Variants in EIF4E3 observed in about 807,000 individuals in gnomAD.
The protein encoded by EIF4E3 is eukaryotic translation initiation factor 4E type 3.
A neutral mutation model predicts 31.7 loss-of-function variants in EIF4E3; 26 were observed. The ratio of observed to expected loss-of-function variants is 0.82; its 90% CI spans 0.60 to 1.14. The LOEUF (loss-of-function observed/expected upper bound fraction) is 1.14. Among genes scored for constraint, EIF4E3 ranks in the 50% most tolerant of loss-of-function variants. The pLI, the probability that EIF4E3 is intolerant of heterozygous loss-of-function variation, is 0.00. For missense variants in EIF4E3, 304 were observed against 270.9 expected, an observed-to-expected ratio of 1.12 and a Z score of -0.86; for synonymous variants, 128 against 107.7, an observed-to-expected ratio of 1.19 and a Z score of -1.17.
chr3:71,754,762 C>G, upstream of EIF4E3: 1 of 1,331,594 alleles, frequency 7.5e-7, no homozygotes, highest in Non-Finnish European at 9.7e-7. The surrounding 1 kb of genome is among the most constrained non-coding windows in gnomAD (Gnocchi z 5.8). Flanking sequence ...ACCGGCCAGG[C>G]GGCCGCCAAC....
intron 5 of EIF4E3, among the ~76,000 whole-genome samples, chr3:71,690,423 T>A (rs77974799): frequency 6.6e-6 from 1 of 152,246 alleles, no homozygotes; most frequent in Non-Finnish European, 1.5e-5. Context: ...ATTTTCCAGA[T>A]AAGTAATTTA....
At chr3:71,754,595 C>T (rs1435996851), upstream of EIF4E3, 2 of 1,424,892 alleles carry the variant, frequency 1.4e-6, no homozygotes, top group South Asian at 1.3e-5. The surrounding 1 kb of genome is among the most constrained non-coding windows in gnomAD (Gnocchi z 5.8). Flanking sequence ...GCGCCCCCGG[C>T]GCGCTGGGCT....
chr3:71,740,417 T>C (rs1353639387), intron 1 of EIF4E3, among the ~76,000 whole-genome samples: 2 of 152,216 alleles, frequency 1.3e-5, no homozygotes, highest in African/African-American at 4.8e-5. Flanking sequence ...TCTTTCTGCA[T>C]GTAGTAGACT....
At chr3:71,743,130 T>TA (rs980800227) in intron 1 of EIF4E3, among the ~76,000 whole-genome samples, 2 of 152,074 alleles carry the variant, frequency 1.3e-5, no homozygotes, top group African/African-American at 4.8e-5. Flanking sequence ...AACATTGTAT[T>TA]AAAGGTTCTA....
intron 3 of EIF4E3, 64 bp downstream of exon 3, chr3:71,699,550 C>G (rs377460352): frequency 1.4e-6 from 2 of 1,403,524 alleles, no homozygotes; most frequent in African/African-American, 1.4e-5. Context: ...GTGATATGAT[C>G]TTTTATGAGG....
chr3:71,734,238 C>T (rs2049738377), intron 1 of EIF4E3, among the ~76,000 whole-genome samples: 1 of 152,188 alleles, frequency 6.6e-6, no homozygotes, highest in South Asian at 2.1e-4. Context: ...AAAAGAGGAG[C>T]TCTCATGGAG....
upstream of EIF4E3, chr3:71,754,655 C>A: frequency 6.7e-7 from 1 of 1,502,130 alleles, no homozygotes; most frequent in East Asian, 2.9e-5. The surrounding 1 kb of genome is among the most constrained non-coding windows in gnomAD (Gnocchi z 5.8). Flanking sequence ...TCGTCTACCT[C>A]CGCCTGCTCT....
intron 1 of EIF4E3, among the ~76,000 whole-genome samples, chr3:71,736,189 G>A (rs752212818): frequency 1.3e-5 from 2 of 152,150 alleles, no homozygotes; most frequent in African/African-American, 2.4e-5. Flanking sequence ...AGGAACTCTC[G>A]CTCAATGCTA....
chr3:71,704,781 G>A (rs890897410), intron 2 of EIF4E3, among the ~76,000 whole-genome samples: 26 of 152,284 alleles, frequency 1.7e-4, no homozygotes, highest in African/African-American at 5.5e-4. Flanking sequence ...TAAATTAGAA[G>A]AGACCCAGTT....
downstream of EIF4E3, among the ~76,000 whole-genome samples, chr3:71,673,932 A>ATATAT (rs1559581282): frequency 3.0e-3 from 378 of 127,368 alleles, 2 homozygotes; most frequent in African/African-American, 0.01. Flanking sequence ...TATATATATA[A>ATATAT]AAAACATAAT....
downstream of EIF4E3, among the ~76,000 whole-genome samples, chr3:71,671,648 A>C (rs1257521058): frequency 6.6e-6 from 1 of 151,820 alleles, no homozygotes; most frequent in Non-Finnish European, 1.5e-5. Flanking sequence ...CTCATTCCCT[A>C]CTCTCCGGGC....
intron 1 of EIF4E3, among the ~76,000 whole-genome samples, chr3:71,730,916 G>C (rs1420999155): frequency 1.3e-5 from 2 of 152,030 alleles, no homozygotes; most frequent in Non-Finnish European, 2.9e-5. Context: ...TAGAGACAGG[G>C]TTTCACCATG....
intron 4 of EIF4E3, among the ~76,000 whole-genome samples, chr3:71,694,528 G>A (rs990130898): frequency 2.0e-5 from 3 of 151,608 alleles, no homozygotes; most frequent in Admixed American, 6.7e-5. Context: ...TTCAGTGCAC[G>A]CTCCGGTCTG....
chr3:71,684,446 A>G lies in EIF4E3; in HGVS notation c.*236T>C, dbSNP rs2048962775. ...GAACAGAGAATTTAGAAAGCCAAAA[A>G]AAAAGTTTTTTGTGTGTGTTTTTTT... is the stretch of plus-strand genomic sequence containing the variant. On this transcript the variant is annotated 3_prime_UTR_variant, in exon 7 of 7. Transcript: ENST00000425534. The G allele has an allele frequency of 2.6e-6, 1 of 382,274 alleles. No homozygotes were observed. The highest frequency in any genetic ancestry group is 4.7e-6 in the Non-Finnish European group (1 of 214,796). The allele number at this position is 382,274 out of a possible 1,614,324, so 23.7% of individuals were successfully genotyped here.
chr3:71,693,725 A>G, intron 5 of EIF4E3, 150 bp downstream of exon 5: 1 of 700,442 alleles, frequency 1.4e-6, no homozygotes, highest in East Asian at 2.9e-5. Context: ...CGAAAATCAC[A>G]TGAAAAAAAA....
the EIF4E3 span, among the ~76,000 whole-genome samples, chr3:71,667,822 T>C: frequency 1.3e-5 from 2 of 152,110 alleles, no homozygotes; most frequent in Non-Finnish European, 1.5e-5. Context: ...AAAATGGCCA[T>C]ACTGCCCAAA....
chr3:71,747,075 G>A (rs1311708199), intron 1 of EIF4E3, among the ~76,000 whole-genome samples: 2 of 152,202 alleles, frequency 1.3e-5, no homozygotes, highest in Non-Finnish European at 2.9e-5. Flanking sequence ...TATTAGGAAT[G>A]ACGATGTTAT....
chr3:71,697,041 G>A (rs1297762372), intron 3 of EIF4E3, among the ~76,000 whole-genome samples: 1 of 135,568 alleles, frequency 7.4e-6, no homozygotes, highest in African/African-American at 2.8e-5. Context: ...TTAAAGACTA[G>A]GTCTCACTCT....
chr3:71,707,626 C>T (rs2049312483), intron 2 of EIF4E3, among the ~76,000 whole-genome samples: 1 of 151,966 alleles, frequency 6.6e-6, no homozygotes, highest in Admixed American at 6.6e-5. Flanking sequence ...CCCCTTAGGC[C>T]CTAAAAGAAC....
Sources: allele counts gnomAD v4.1 joint callset (sites outside exome capture counted in the v4.1 genomes callset), GRCh38; gene constraint gnomAD v4.1.1; non-coding constraint Gnocchi (gnomAD v3.1); transcripts MANE v1.5; gene names NCBI Gene and HGNC (gene_info 2026-07-23, HGNC 2026-07-21).